The following SMIM14 variants were observed in gnomAD, a reference collection of about 807,000 sequenced individuals.
SMIM14 encodes the protein chromosome 4 open reading frame 34.
Under a neutral mutation model 12.6 loss-of-function variants are expected in SMIM14, and 5 were observed. The ratio of observed to expected loss-of-function variants is 0.40; its 90% CI spans 0.21 to 0.83. The LOEUF is 0.83. Among genes scored for constraint, SMIM14 ranks in the 40% least tolerant of loss-of-function variants. The probability of loss-of-function intolerance (pLI) is 0.37; values close to 1 mark genes in which losing one functional copy is unlikely to be tolerated. For missense variants in SMIM14, 86 were observed against 119.1 expected (o/e 0.72, Z 1.29); for synonymous variants, 30 against 40.1 (o/e 0.75, Z 0.95).
At chr4:39,554,305 T>C (rs922263175) in intron 4 of SMIM14, among the ~76,000 whole-genome samples, 1 of 152,134 alleles carries the variant, frequency 6.6e-6, no homozygotes, top group East Asian at 1.9e-4. Flanking sequence ...AAACCCTGTA[T>C]CTACTAAAAA....
At position 39,558,996 on chromosome 4, in the gene SMIM14, C is replaced by T. The variant is rs1011720388; in HGVS notation, c.125-2426G>A. 2.8e-4 allele frequency among the ~76,000 whole-genome samples: 43 copies of T among 152,216 alleles called. No homozygotes were observed. The highest frequency in any genetic ancestry group is 1.0e-3 in the African/African-American group (42 of 41,452). ...GTGCTGGGATTACAGGCATGAGCCACCGCGCCTGGCTGCAGTTTCTTATAA... is the reference window on the plus strand; with the variant it reads ...GTGCTGGGATTACAGGCATGAGCCATCGCGCCTGGCTGCAGTTTCTTATAA... On this transcript the variant is annotated intron_variant, in intron 3 of 4. Transcript: ENST00000295958. This position sits in a 1 kb window ranked among gnomAD's most constrained non-coding sequence, Gnocchi z 4.3.
At chr4:39,557,550 G>A (rs973416884) in intron 3 of SMIM14, among the ~76,000 whole-genome samples, 1 of 152,084 alleles carries the variant, frequency 6.6e-6, no homozygotes, top group Non-Finnish European at 1.5e-5. Flanking sequence ...ATGAGGCTAG[G>A]GGCCCTAACT....
At chr4:39,555,835 G>A (rs1277337857) in intron 4 of SMIM14, among the ~76,000 whole-genome samples, 1 of 152,186 alleles carries the variant, frequency 6.6e-6, no homozygotes, top group Non-Finnish European at 1.5e-5. Context: ...AGAGTTTAGG[G>A]GCTGGAAGCA....
chr4:39,628,258 C>T (rs1389954441), intron 1 of SMIM14, among the ~76,000 whole-genome samples: 1 of 148,172 alleles, frequency 6.7e-6, no homozygotes, highest in African/African-American at 2.5e-5. Flanking sequence ...AGTGAGCCAA[C>T]ACCAAGCCAT....
intron 1 of SMIM14, among the ~76,000 whole-genome samples, chr4:39,610,664 T>C (rs1354477500): frequency 2.0e-5 from 3 of 149,150 alleles, no homozygotes; most frequent in Non-Finnish European, 4.4e-5. Context: ...CACTGCACTC[T>C]AGCCTGAGTG....
intron 1 of SMIM14, among the ~76,000 whole-genome samples, chr4:39,629,905 G>A (rs1421075193): frequency 1.3e-5 from 2 of 152,096 alleles, no homozygotes; most frequent in African/African-American, 4.8e-5. Context: ...GGGATTACAG[G>A]CATGAGCCAC....
intron 2 of SMIM14, among the ~76,000 whole-genome samples, chr4:39,595,322 C>T (rs1714307557): frequency 6.9e-6 from 1 of 143,984 alleles, no homozygotes; most frequent in Non-Finnish European, 1.5e-5. Flanking sequence ...CCAAACACCG[C>T]ATATTCTCAC....
intron 3 of SMIM14, among the ~76,000 whole-genome samples, chr4:39,561,605 A>G (rs1712308831): frequency 6.6e-6 from 1 of 152,084 alleles, no homozygotes. Flanking sequence ...TTATTTCTAG[A>G]CAAAGGATCC....
At chr4:39,596,037 G>C (rs568098838) in intron 2 of SMIM14, among the ~76,000 whole-genome samples, 56 of 152,074 alleles carry the variant, frequency 3.7e-4, no homozygotes, top group Non-Finnish European at 7.2e-4. Flanking sequence ...TGAAGAGTAT[G>C]CCTCCTGCTC....
At chr4:39,625,781 C>G (rs1715674473) in intron 1 of SMIM14, among the ~76,000 whole-genome samples, 1 of 152,176 alleles carries the variant, frequency 6.6e-6, no homozygotes, top group Admixed American at 6.5e-5. Context: ...TTAAAGACAC[C>G]CTTTTCAGAG....
intron 1 of SMIM14, among the ~76,000 whole-genome samples, chr4:39,624,019 A>G (rs1715601311): frequency 6.6e-6 from 1 of 152,234 alleles, no homozygotes; most frequent in South Asian, 2.1e-4. Flanking sequence ...AAACAGAGAT[A>G]CTGGTCAATG....
chr4:39,600,329 G>A (rs955685828), intron 2 of SMIM14, among the ~76,000 whole-genome samples: 8 of 151,912 alleles, frequency 5.3e-5, no homozygotes, highest in East Asian at 1.9e-4. Flanking sequence ...ATGAGCCACC[G>A]TGCCCAGCCT....
intron 3 of SMIM14, among the ~76,000 whole-genome samples, chr4:39,559,684 G>C (rs536024912): frequency 6.6e-6 from 1 of 152,158 alleles, no homozygotes; most frequent in Admixed American, 6.5e-5. Context: ...GTCAAGTTAA[G>C]AGTTGCGCTG....
At position 39,547,646 on chromosome 4, in the gene SMIM14, T is replaced by G. The variant is rs1185711534; in HGVS notation, c.*4480A>C. Reference sequence around the variant, plus strand: ...CAAATTACTGTTTTGTGTCTTAAACTGAGTTGGTCAAATTTGAGCACATAA... The same window carrying G: ...CAAATTACTGTTTTGTGTCTTAAACGGAGTTGGTCAAATTTGAGCACATAA... On this transcript the variant is annotated 3_prime_UTR_variant, in exon 5 of 5. Transcript: ENST00000295958. The G allele has an allele frequency of 1.3e-5, 2 of 152,218 alleles. No homozygotes were observed. The highest frequency in any genetic ancestry group is 2.9e-5 in the Non-Finnish European group (2 of 68,044). The allele number at this position is 152,218 out of a possible 1,614,324, so 9.4% of individuals were successfully genotyped here.
At chr4:39,583,238 G>A (rs1713609823) in intron 2 of SMIM14, among the ~76,000 whole-genome samples, 1 of 152,026 alleles carries the variant, frequency 6.6e-6, no homozygotes, top group Admixed American at 6.6e-5. Context: ...ATAGGCACAT[G>A]CCACCACACT....
intron 3 of SMIM14, among the ~76,000 whole-genome samples, chr4:39,560,259 T>TC (rs1560282990): frequency 6.7e-6 from 1 of 149,442 alleles, no homozygotes. Flanking sequence ...TCTTTTTTTT[T>TC]TTTTTTTGAG....
intron 1 of SMIM14, among the ~76,000 whole-genome samples, chr4:39,631,986 A>G (rs1027268210): frequency 6.6e-6 from 1 of 152,174 alleles, no homozygotes; most frequent in African/African-American, 2.4e-5. Context: ...CTCCAAAACA[A>G]AAGAACAGAG....
intron 1 of SMIM14, among the ~76,000 whole-genome samples, chr4:39,623,335 T>A (rs925952492): frequency 1.3e-5 from 2 of 151,438 alleles, no homozygotes; most frequent in African/African-American, 4.9e-5. Flanking sequence ...CATAAAAGGT[T>A]TTTTAAAAAT....
intron 3 of SMIM14, among the ~76,000 whole-genome samples, chr4:39,563,086 G>A (rs1712398605): frequency 6.6e-6 from 1 of 151,524 alleles, no homozygotes; most frequent in African/African-American, 2.4e-5. Context: ...TTGAGACGGA[G>A]TTTCACTCTT....
Sources: gnomAD v4.1 joint callset for allele counts (sites outside exome capture counted in the v4.1 genomes callset) on GRCh38, gnomAD v4.1.1 for gene constraint, Gnocchi (gnomAD v3.1) non-coding constraint, MANE v1.5 for transcripts, NCBI Gene and HGNC (gene_info 2026-07-23, HGNC 2026-07-21) for gene names.